Variants in RAB31 observed in about 807,000 individuals in gnomAD.
RAB31 encodes the protein ras-related protein Rab-31.
RAB31 carries 21 observed loss-of-function variants against 25.6 expected under a neutral mutation model. The observed-to-expected ratio is 0.82, with a 90% CI of 0.58 to 1.18. The LOEUF (loss-of-function observed/expected upper bound fraction) is 1.18, where lower values mean the gene tolerates loss of function less well. Among genes scored for constraint, RAB31 ranks in the 50% most tolerant of loss-of-function variants. The pLI, the probability that RAB31 is intolerant of heterozygous loss-of-function variation, is 0.00. For missense variants in RAB31, 196 were observed against 250.1 expected (o/e 0.78, Z 1.46); for synonymous variants, 87 against 84.0 (o/e 1.04, Z -0.20).
chr18:9,735,493 C>T (rs1368732449), intron 1 of RAB31: 1 of 208,320 alleles, frequency 4.8e-6, no homozygotes, highest in Non-Finnish European at 1.0e-5. Context: ...TGGTGGTGCA[C>T]ACCACCTGCA....
intron 5 of RAB31, among the ~76,000 whole-genome samples, chr18:9,830,985 T>C (rs1025113715): frequency 2.7e-4 from 41 of 152,210 alleles, no homozygotes; most frequent in African/African-American, 9.7e-4. Context: ...CTGTCATACG[T>C]TGCGTGTCAT....
At chr18:9,792,021 T>C (rs893967996) in intron 2 of RAB31, 133 bp from the exon 3 acceptor site, 1 of 1,250,860 alleles carries the variant, frequency 8.0e-7, no homozygotes, top group Non-Finnish European at 1.1e-6. Flanking sequence ...CTAGCCCTTT[T>C]CTCGTCTTAG....
intron 1 of RAB31, among the ~76,000 whole-genome samples, chr18:9,746,656 G>T (rs2068207306): frequency 6.6e-6 from 1 of 152,176 alleles, no homozygotes; most frequent in Admixed American, 6.5e-5. Context: ...ACGAAGATCA[G>T]TCAATAGGGA....
rs1397497323 is a variant in RAB31 at position 9,778,007 on chromosome 18, C to G, written c.119+2650C>G. On this transcript the variant is annotated intron_variant, in intron 2 of 6. Transcript: ENST00000578921. ...TGACCTTGTGATCTGCCCACCTCAG[C>G]CTCCCAAAGTGCTGGGATTACAGGC... Among the ~76,000 whole-genome samples the G allele has an allele frequency of 2.0e-5, 3 of 152,088 alleles. No individual in the cohort carries two copies. The East Asian group carries it at 5.8e-4, about 29-fold the overall frequency.
chr18:9,712,256 C>G (rs2068021352), intron 1 of RAB31, among the ~76,000 whole-genome samples: 1 of 152,100 alleles, frequency 6.6e-6, no homozygotes, highest in Non-Finnish European at 1.5e-5. Context: ...TTTAGGTTAC[C>G]TGTTATAAAT....
chr18:9,857,682 TA>T (rs113577624), intron 6 of RAB31, among the ~76,000 whole-genome samples: 2,663 of 127,430 alleles, frequency 0.021, 19 homozygotes, highest in Middle Eastern at 0.024. Flanking sequence ...GATAGATAGA[TA>T]GATGATAGAT....
At chr18:9,763,190 C>T (rs528860709) in intron 1 of RAB31, among the ~76,000 whole-genome samples, 145 of 151,916 alleles carry the variant, frequency 9.5e-4, no homozygotes, top group African/African-American at 3.3e-3. Context: ...GTGTCCTGGC[C>T]GTAACATGTG....
chr18:9,811,352 T>C (rs879595084), intron 3 of RAB31, among the ~76,000 whole-genome samples: 8 of 152,208 alleles, frequency 5.3e-5, no homozygotes, highest in Admixed American at 1.3e-4. Flanking sequence ...CTATTGTGAG[T>C]GCCTCACCAG....
chr18:9,733,271 G>T (rs113964955), intron 1 of RAB31, among the ~76,000 whole-genome samples: 2 of 152,136 alleles, frequency 1.3e-5, no homozygotes, highest in African/African-American at 4.8e-5. Flanking sequence ...CTAGATCCTG[G>T]ATCCTTCCTC....
chr18:9,748,719 C>T (rs886636427), intron 1 of RAB31, among the ~76,000 whole-genome samples: 2 of 151,862 alleles, frequency 1.3e-5, no homozygotes, highest in African/African-American at 4.8e-5. Context: ...GGTAAAACCC[C>T]ATCTTTAATA....
At chr18:9,852,169 G>A (rs980028000) in intron 6 of RAB31, among the ~76,000 whole-genome samples, 2 of 152,092 alleles carry the variant, frequency 1.3e-5, no homozygotes, top group African/African-American at 4.8e-5. Context: ...CCAAGCTTGT[G>A]CCATCTCTAT....
chr18:9,776,812 A>C (rs1599034078), intron 2 of RAB31, among the ~76,000 whole-genome samples: 1 of 152,196 alleles, frequency 6.6e-6, no homozygotes, highest in Non-Finnish European at 1.5e-5. Context: ...CAGTGAGCAC[A>C]TCTGTCCTCA....
At chr18:9,712,117 G>C (rs1008375047) in intron 1 of RAB31, among the ~76,000 whole-genome samples, 1 of 152,210 alleles carries the variant, frequency 6.6e-6, no homozygotes, top group Non-Finnish European at 1.5e-5. Context: ...TGTCTTCCTG[G>C]CACATTAGGA....
At chr18:9,746,933 T>C (rs1395079206) in intron 1 of RAB31, among the ~76,000 whole-genome samples, 3 of 152,146 alleles carry the variant, frequency 2.0e-5, no homozygotes, top group African/African-American at 7.2e-5. Flanking sequence ...CTCATCAAAA[T>C]TAAAAACGTG....
chr18:9,776,756 G>C (rs1462481235), intron 2 of RAB31, among the ~76,000 whole-genome samples: 2 of 152,066 alleles, frequency 1.3e-5, no homozygotes, highest in Non-Finnish European at 1.5e-5. Context: ...GCTGTGTTAC[G>C]GGAGCGGAAC....
intron 3 of RAB31, among the ~76,000 whole-genome samples, chr18:9,807,201 C>G (rs188434832): frequency 6.6e-6 from 1 of 152,150 alleles, no homozygotes; most frequent in Non-Finnish European, 1.5e-5. Context: ...TAAATGACAC[C>G]GTATGTTTTT....
intron 1 of RAB31, among the ~76,000 whole-genome samples, chr18:9,755,545 A>G (rs1215512293): frequency 6.6e-6 from 1 of 152,234 alleles, no homozygotes. Context: ...TATCCAGCAT[A>G]GCAGTAAGGA....
At chr18:9,799,407 C>T (rs1472669454) in intron 3 of RAB31, among the ~76,000 whole-genome samples, 1 of 152,150 alleles carries the variant, frequency 6.6e-6, no homozygotes, top group Non-Finnish European at 1.5e-5. Context: ...CAAATTTGTA[C>T]TCTTGGAAAA....
At chr18:9,808,695 C>G (rs1599047808) in intron 3 of RAB31, among the ~76,000 whole-genome samples, 1 of 152,360 alleles carries the variant, frequency 6.6e-6, no homozygotes, top group Middle Eastern at 3.4e-3. Flanking sequence ...TGACCTGCCA[C>G]AGAGCAGCAT....
Sources: allele counts gnomAD v4.1 joint callset (sites outside exome capture counted in the v4.1 genomes callset), GRCh38; gene constraint gnomAD v4.1.1; transcripts MANE v1.5; gene names NCBI Gene and HGNC (gene_info 2026-07-23, HGNC 2026-07-21).